RYR2: variants seen among roughly 807,000 people sequenced by gnomAD.
RYR2 encodes ryanodine receptor 2.
In RYR2, 227 loss-of-function variants were observed where a neutral mutation model predicts 601.1. That is an observed-to-expected ratio of 0.38 (90% CI 0.34 to 0.42). The LOEUF (loss-of-function observed/expected upper bound fraction) is 0.42. Among genes scored for constraint, RYR2 ranks in the 10% least tolerant of loss-of-function variants. RYR2 has a pLI of 1.00. For synonymous variants in RYR2, 2,223 were observed against 2,175.1 expected, an observed-to-expected ratio of 1.02 and a Z score of -0.61; for missense variants, 4,646 against 6,156.5, an observed-to-expected ratio of 0.75 and a Z score of 8.21.
chr1:237,808,879 T>C (rs1421688390), intron 99 of RYR2, 22 bp from the exon 100 acceptor site: 2 of 1,612,668 alleles, frequency 1.2e-6, no homozygotes, highest in Admixed American at 3.3e-5. Context: ...TAATACCTGG[T>C]CCTTGTCACA....
chr1:237,631,894 A>G (rs1323793672), intron 42 of RYR2, among the ~76,000 whole-genome samples: 1 of 150,418 alleles, frequency 6.6e-6, no homozygotes, highest in African/African-American at 2.4e-5. Context: ...TCCCCTCCCG[A>G]AGTGCTGGGA....
chr1:237,071,189 C>G (rs540857457), intron 1 of RYR2, among the ~76,000 whole-genome samples: 6 of 151,928 alleles, frequency 3.9e-5, no homozygotes, highest in Non-Finnish European at 7.4e-5. Flanking sequence ...GTCTTCCTGA[C>G]GAGTGTGCGA....
intron 71 of RYR2, among the ~76,000 whole-genome samples, chr1:237,716,222 A>G (rs1023609481): frequency 3.9e-5 from 6 of 152,078 alleles, no homozygotes; most frequent in African/African-American, 1.4e-4. Flanking sequence ...ATGTCTTTCA[A>G]CCTCATGCTA....
At chr1:237,411,447 A>G (rs1030963713) in intron 10 of RYR2, among the ~76,000 whole-genome samples, 2 of 152,148 alleles carry the variant, frequency 1.3e-5, no homozygotes, top group African/African-American at 4.8e-5. Flanking sequence ...CAACAAGTGT[A>G]TAATATGATT....
At chr1:237,316,440 C>G (rs1303737795) in intron 2 of RYR2, among the ~76,000 whole-genome samples, 1 of 152,144 alleles carries the variant, frequency 6.6e-6, no homozygotes, top group African/African-American at 2.4e-5. Context: ...AAAATTGTTT[C>G]CTTAAATATC....
chr1:237,110,771 G>A (rs2148585425), intron 1 of RYR2, among the ~76,000 whole-genome samples: 1 of 152,272 alleles, frequency 6.6e-6, no homozygotes, highest in African/African-American at 2.4e-5. Context: ...GAAACCTCCT[G>A]CTGTGGACTG....
chr1:237,529,428 C>T (rs1667900152), intron 24 of RYR2, among the ~76,000 whole-genome samples: 1 of 151,842 alleles, frequency 6.6e-6, no homozygotes, highest in South Asian at 2.1e-4. Context: ...TTATATGTAT[C>T]TGTCTAAATG....
chr1:237,043,989 C>T (rs79752906), intron 1 of RYR2, among the ~76,000 whole-genome samples: 2,725 of 152,246 alleles, frequency 0.018, 83 homozygotes, highest in African/African-American at 0.062. Context: ...AGGATAAAAA[C>T]CCAGGGTCCA....
At chr1:237,546,006 A>G (rs929242510) in intron 25 of RYR2, among the ~76,000 whole-genome samples, 2 of 150,926 alleles carry the variant, frequency 1.3e-5, no homozygotes, top group African/African-American at 4.8e-5. Flanking sequence ...ATATCTATAT[A>G]TTCTAAAATA....
intron 8 of RYR2, among the ~76,000 whole-genome samples, chr1:237,378,465 A>G (rs1701207945): frequency 1.3e-5 from 2 of 152,228 alleles, no homozygotes; most frequent in African/African-American, 2.4e-5. Context: ...ATTCATTTTA[A>G]GGTTGAAAGG....
chr1:237,265,855 G>A (rs1208741511), intron 1 of RYR2, among the ~76,000 whole-genome samples: 1 of 152,188 alleles, frequency 6.6e-6, no homozygotes, highest in Non-Finnish European at 1.5e-5. Flanking sequence ...TGTTGATGGA[G>A]TAGAATCCAC....
intron 80 of RYR2, among the ~76,000 whole-genome samples, chr1:237,742,917 C>T (rs1200408218): frequency 5.3e-5 from 8 of 152,146 alleles, no homozygotes; most frequent in South Asian, 2.1e-4. Flanking sequence ...AAATGTCCTA[C>T]GTAATTTGAA....
At chr1:237,821,861 A>C (rs1662543986) in intron 101 of RYR2, among the ~76,000 whole-genome samples, 1 of 151,758 alleles carries the variant, frequency 6.6e-6, no homozygotes, top group Middle Eastern at 3.2e-3. Flanking sequence ...AACACAGCAC[A>C]AGAACTTTGT....
At chr1:237,107,755 T>C (rs145970166) in intron 1 of RYR2, among the ~76,000 whole-genome samples, 342 of 152,212 alleles carry the variant, frequency 2.2e-3, no homozygotes, top group African/African-American at 7.6e-3. Flanking sequence ...GGAAGATGCT[T>C]TGGGGCATTC....
At chr1:237,210,594 C>T (rs1426963129) in intron 1 of RYR2, among the ~76,000 whole-genome samples, 1 of 152,168 alleles carries the variant, frequency 6.6e-6, no homozygotes. Context: ...CCATTATATG[C>T]TGGTCCTATA....
At chr1:237,402,446 AG>A (rs1471142589) in intron 10 of RYR2, among the ~76,000 whole-genome samples, 1 of 151,922 alleles carries the variant, frequency 6.6e-6, no homozygotes, top group Non-Finnish European at 1.5e-5. Context: ...AAGAATTAAA[AG>A]ATGCAACAAT....
intron 66 of RYR2, among the ~76,000 whole-genome samples, chr1:237,704,511 GTTAGTATTT>G (rs1414445827): frequency 4.0e-5 from 6 of 151,716 alleles, no homozygotes; most frequent in African/African-American, 1.5e-4. Context: ...AGCCTGAATT[GTTAGTATTT>G]TTAAAAATAT....
chr1:237,640,017 C>CCACACA (rs10650519), intron 46 of RYR2, among the ~76,000 whole-genome samples: 10 of 150,940 alleles, frequency 6.6e-5, no homozygotes, highest in African/African-American at 2.4e-4. Flanking sequence ...GCACTCCCCA[C>CCACACA]CACACACACA....
chr1:237,695,121 A>G (rs778776177), intron 63 of RYR2, among the ~76,000 whole-genome samples: 11 of 152,224 alleles, frequency 7.2e-5, no homozygotes, highest in Non-Finnish European at 1.6e-4. Context: ...TTCCTGAGTT[A>G]TAGAAACTTT....
Sources: gnomAD v4.1 joint callset for allele counts (sites outside exome capture counted in the v4.1 genomes callset) on GRCh38, gnomAD v4.1.1 for gene constraint, MANE v1.5 for transcripts, NCBI Gene and HGNC (gene_info 2026-07-23, HGNC 2026-07-21) for gene names.